The following LRPPRC variants were observed in gnomAD, a reference collection of about 807,000 sequenced individuals.
LRPPRC encodes leucine-rich PPR motif-containing protein, mitochondrial.
A neutral mutation model predicts 180.3 loss-of-function variants in LRPPRC; 120 were observed. That is an observed-to-expected ratio of 0.67 (90% CI 0.57 to 0.77). The LOEUF (loss-of-function observed/expected upper bound fraction) is 0.77. Ranked by LOEUF, LRPPRC falls within the 30% of genes least tolerant of loss-of-function variation. The pLI, the probability that LRPPRC is intolerant of heterozygous loss-of-function variation, is 0.00. For synonymous variants in LRPPRC, 723 were observed against 600.0 expected, an observed-to-expected ratio of 1.21 and a Z score of -3.00; for missense variants, 2,012 against 1,657.2, an observed-to-expected ratio of 1.21 and a Z score of -3.72.
intron 4 of LRPPRC, 44 bp from the exon 5 acceptor site, chr2:43,977,096 T>C: frequency 1.2e-6 from 2 of 1,609,344 alleles, no homozygotes; most frequent in Non-Finnish European, 8.5e-7. Context: ...TACTTTTTTT[T>C]CTGAGTAAAG....
chr2:43,970,332 G>A (rs545757828), intron 11 of LRPPRC, among the ~76,000 whole-genome samples: 4 of 152,234 alleles, frequency 2.6e-5, no homozygotes, highest in South Asian at 2.1e-4. Context: ...CCCACCTTCT[G>A]CTCAATCACT....
rs1559036150 is a variant in LRPPRC, at chr2:43,971,506, A to AAAAAAAAAG, written c.1369+2100_1369+2101insCTTTTTTTT. ...ACAGTAAAAAAAAAAAAAAAAAAAGAAAAAAATATATATATATGTTTTTTA... is the reference window on the plus strand; with the variant it reads ...ACAGTAAAAAAAAAAAAAAAAAAAGAAAAAAAAAGAAAAAATATATATATATGTTTTTTA... On this transcript the variant is annotated intron_variant, in intron 11 of 37. Coordinates refer to ENST00000260665, the MANE Select transcript of LRPPRC (RefSeq NM_133259.4). 3.3e-3 allele frequency among the ~76,000 whole-genome samples: 478 copies of AAAAAAAAAG among 145,478 alleles called. 6 individuals are homozygous for AAAAAAAAAG. The highest frequency in any genetic ancestry group is 0.012 in the African/African-American group (462 of 38,866).
chr2:43,895,852 A>AT (rs1323488729), intron 35 of LRPPRC, among the ~76,000 whole-genome samples: 4 of 152,200 alleles, frequency 2.6e-5, no homozygotes, highest in African/African-American at 9.6e-5. Context: ...TCTAAGAGAA[A>AT]TTTAATTTTA....
intron 25 of LRPPRC, among the ~76,000 whole-genome samples, chr2:43,931,518 C>A (rs2105053971): frequency 6.6e-6 from 1 of 152,314 alleles, no homozygotes; most frequent in Admixed American, 6.5e-5. Context: ...GGCCCTCACA[C>A]AGGCAGTTCC....
intron 11 of LRPPRC, among the ~76,000 whole-genome samples, chr2:43,966,236 A>T (rs942131721): frequency 1.3e-5 from 2 of 151,792 alleles, no homozygotes; most frequent in Non-Finnish European, 2.9e-5. Flanking sequence ...TCACTTATAT[A>T]TGGAATCTAC....
intron 27 of LRPPRC, among the ~76,000 whole-genome samples, 182 bp downstream of exon 27, chr2:43,924,883 TAC>T: frequency 6.6e-6 from 1 of 152,348 alleles, no homozygotes; most frequent in East Asian, 1.9e-4. Context: ...TATGAAGACA[TAC>T]AGTGTCTAGT....
At chr2:43,986,748 G>C (rs1488301910) in intron 1 of LRPPRC, among the ~76,000 whole-genome samples, 1 of 152,100 alleles carries the variant, frequency 6.6e-6, no homozygotes, top group African/African-American at 2.4e-5. Flanking sequence ...GTGGCAAAAG[G>C]GCATTGAAGA....
chr2:43,918,150 T>C lies in LRPPRC; in HGVS notation c.3040-17A>G. ...ATACCACAACTTTAAAACAAAGTTA[T>C]TCTGTTAAATAAAAACTGGTAATCT... On this transcript the variant is annotated splice_polypyrimidine_tract_variant and intron_variant, in intron 28 of 37. Coordinates refer to ENST00000260665, the MANE Select transcript of LRPPRC (RefSeq NM_133259.4). 6.2e-7 allele frequency: 1 copy of C among 1,607,330 alleles called. No individual in the cohort carries two copies. The highest frequency in any genetic ancestry group is 1.1e-5 in the South Asian group (1 of 90,938).
chr2:43,976,630 A>ATATGTAGAAAAT (rs1285503707), intron 5 of LRPPRC, among the ~76,000 whole-genome samples: 8 of 152,010 alleles, frequency 5.3e-5, no homozygotes, highest in Admixed American at 5.2e-4. Flanking sequence ...GAAATGGTGC[A>ATATGTAGAAAAT]ACTGATTTTC....
At chr2:43,892,139 G>A (rs1372761278) in intron 36 of LRPPRC, among the ~76,000 whole-genome samples, 2 of 152,228 alleles carry the variant, frequency 1.3e-5, no homozygotes, top group Admixed American at 6.5e-5. Flanking sequence ...TGATGCAGAA[G>A]CTACGGCAGG....
At chr2:43,912,181 T>C (rs902595066) in intron 30 of LRPPRC, among the ~76,000 whole-genome samples, 1 of 152,214 alleles carries the variant, frequency 6.6e-6, no homozygotes, top group Non-Finnish European at 1.5e-5. Flanking sequence ...TGCATGGATA[T>C]CTTAAATGAA....
chr2:43,945,271 A>G, intron 22 of LRPPRC, 61 bp downstream of exon 22: 2 of 1,099,714 alleles, frequency 1.8e-6, no homozygotes, highest in Non-Finnish European at 2.8e-6. Context: ...ATATCAATTC[A>G]CATGTTATTC....
chr2:43,897,504 A>C (rs1469385944), intron 34 of LRPPRC, among the ~76,000 whole-genome samples: 1 of 152,208 alleles, frequency 6.6e-6, no homozygotes, highest in Non-Finnish European at 1.5e-5. Context: ...GAACATTTAC[A>C]TTACGCACTG....
chr2:43,987,580 C>G (rs1472124364), intron 1 of LRPPRC, among the ~76,000 whole-genome samples: 1 of 151,424 alleles, frequency 6.6e-6, no homozygotes, highest in Non-Finnish European at 1.5e-5. Flanking sequence ...CCCACAAACT[C>G]AAACTCAAAA....
chr2:43,985,367 TTTACA>T (rs1013543025), intron 1 of LRPPRC, among the ~76,000 whole-genome samples: 4 of 152,304 alleles, frequency 2.6e-5, no homozygotes, highest in East Asian at 1.9e-4. Flanking sequence ...AAGTCCATAA[TTTACA>T]TTAGAGTTCA....
chr2:43,889,292 G>A (rs748433261), intron 37 of LRPPRC, among the ~76,000 whole-genome samples: 2 of 107,582 alleles, frequency 1.9e-5, no homozygotes, highest in Non-Finnish European at 3.4e-5. Flanking sequence ...TCCAGCCTGG[G>A]CAACACAGCG....
chr2:43,992,594 AATG>A (rs1377299148), intron 1 of LRPPRC, among the ~76,000 whole-genome samples: 1 of 152,186 alleles, frequency 6.6e-6, no homozygotes, highest in African/African-American at 2.4e-5. Flanking sequence ...GAGACTAGGG[AATG>A]ATGAAGGGGC....
chr2:43,932,532 G>C (rs979441816), intron 25 of LRPPRC, among the ~76,000 whole-genome samples: 3 of 152,130 alleles, frequency 2.0e-5, no homozygotes, highest in African/African-American at 7.2e-5. Flanking sequence ...TGGTTGTACT[G>C]TGGCAAAGCT....
chr2:43,982,822 C>T (rs17031801), intron 1 of LRPPRC, among the ~76,000 whole-genome samples: 2,469 of 152,170 alleles, frequency 0.016, 78 homozygotes, highest in African/African-American at 0.056. Context: ...GTAAATAAGA[C>T]AAGAGATCTA....
Sources: gnomAD v4.1 joint callset for allele counts (sites outside exome capture counted in the v4.1 genomes callset) on GRCh38, gnomAD v4.1.1 for gene constraint, MANE v1.5 for transcripts, NCBI Gene and HGNC (gene_info 2026-07-23, HGNC 2026-07-21) for gene names.